Variants in NFKB1 observed in about 807,000 individuals in gnomAD.
NFKB1 encodes nuclear factor NF-kappa-B p105 subunit.
In NFKB1, 9 loss-of-function variants were observed where a neutral mutation model predicts 105.1. The ratio of observed to expected loss-of-function variants is 0.09; its 90% CI spans 0.05 to 0.15. NFKB1 has a LOEUF of 0.15. Ranked by LOEUF, NFKB1 falls within the 10% of genes least tolerant of loss-of-function variation. The pLI, the probability that NFKB1 is intolerant of heterozygous loss-of-function variation, is 1.00. For missense variants in NFKB1, 830 were observed against 1,203.7 expected, an observed-to-expected ratio of 0.69 and a Z score of 4.59; for synonymous variants, 440 against 442.2, an observed-to-expected ratio of 1.00 and a Z score of 0.06.
chr4:102,515,092 A>G (rs1383684076), intron 1 of NFKB1, among the ~76,000 whole-genome samples: 1 of 126,536 alleles, frequency 7.9e-6, no homozygotes, highest in Non-Finnish European at 1.6e-5. Flanking sequence ...TCCATGTAAT[A>G]TTATTATTAT....
chr4:102,561,569 G>A (rs1723448980), intron 5 of NFKB1, among the ~76,000 whole-genome samples: 1 of 152,164 alleles, frequency 6.6e-6, no homozygotes, highest in African/African-American at 2.4e-5. Flanking sequence ...AAATGATCAT[G>A]TCACATGGTA....
chr4:102,606,442 T>C, intron 16 of NFKB1, 54 bp from the exon 17 acceptor site: 1 of 1,540,172 alleles, frequency 6.5e-7, no homozygotes, highest in Non-Finnish European at 9.0e-7. Context: ...AGCTGTGAGT[T>C]GTAAGTAAGT....
intron 2 of NFKB1, among the ~76,000 whole-genome samples, chr4:102,527,834 A>T (rs961798665): frequency 2.0e-5 from 3 of 152,180 alleles, no homozygotes; most frequent in Non-Finnish European, 2.9e-5. Context: ...GTCTGTACAC[A>T]GGAAATCTTA....
intron 20 of NFKB1, among the ~76,000 whole-genome samples, chr4:102,611,756 C>T (rs1728436128): frequency 6.6e-6 from 1 of 152,204 alleles, no homozygotes; most frequent in Non-Finnish European, 1.5e-5. Context: ...CTGCCTGTTC[C>T]TTCCAAAAGG....
chr4:102,502,687 T>G (rs1560622773), intron 1 of NFKB1, among the ~76,000 whole-genome samples: 1 of 152,198 alleles, frequency 6.6e-6, no homozygotes, highest in Non-Finnish European at 1.5e-5. Flanking sequence ...TGGTTTATCC[T>G]GAAACTCAAA....
chr4:102,609,698 C>G (rs1005655518), intron 19 of NFKB1, among the ~76,000 whole-genome samples: 1 of 149,910 alleles, frequency 6.7e-6, no homozygotes, highest in Non-Finnish European at 1.5e-5. Context: ...ATCTTAATTT[C>G]TCCATGGATT....
At chr4:102,563,273 C>A (rs1419781650) in intron 5 of NFKB1, among the ~76,000 whole-genome samples, 1 of 152,042 alleles carries the variant, frequency 6.6e-6, no homozygotes, top group African/African-American at 2.4e-5. Flanking sequence ...ATCAAGAATG[C>A]CAAGAAGTCC....
At position 102,607,216 on chromosome 4, in the gene NFKB1, C is replaced by T; in HGVS notation, c.2021C>T (p.Ala674Val). 1 of 1,614,200 alleles carries T rather than the reference C, an allele frequency of 6.2e-7. No homozygotes were observed. Among genetic ancestry groups the T allele is most frequent in the Non-Finnish European group, 8.5e-7 (1 of 1,180,042 alleles). The change falls in exon 18 of 24, where the codon GCT becomes GTT. Residue 674 changes from alanine (A) to valine (V), a missense_variant. Ala to Val is a moderately conservative substitution (Grantham distance 64). This residue lies in a region of NFKB1 where 418 missense variants were observed against 575.3 expected (regional missense o/e 0.73). Coordinates refer to ENST00000226574, the MANE Select transcript of NFKB1 (RefSeq NM_003998.4). ...CCATGTTTGCTGCTGCTGGTGGCCG[C>T]TGGGGCTGACGTCAATGCTCAGGAG... ...SLPCLLLLVA[A>V]GADVNAQEQK...
chr4:102,517,508 C>G (rs914666029), intron 1 of NFKB1, among the ~76,000 whole-genome samples: 1 of 152,064 alleles, frequency 6.6e-6, no homozygotes, highest in African/African-American at 2.4e-5. Flanking sequence ...TTTGCCAATA[C>G]AAAAAAGCAA....
At chr4:102,528,628 A>G (rs905350143) in intron 2 of NFKB1, among the ~76,000 whole-genome samples, 4 of 152,198 alleles carry the variant, frequency 2.6e-5, no homozygotes, top group Non-Finnish European at 5.9e-5. Flanking sequence ...GCTGGTTTCC[A>G]TGCTGTCCAC....
intron 5 of NFKB1, among the ~76,000 whole-genome samples, chr4:102,551,367 T>TGTATGCACGC (rs370790173): frequency 1.3e-5 from 2 of 150,094 alleles, no homozygotes; most frequent in African/African-American, 4.9e-5. Context: ...TGTGTGTGTG[T>TGTATGCACGC]GCGCGCGCGC....
intron 20 of NFKB1, 116 bp downstream of exon 20, chr4:102,610,815 T>C: frequency 7.8e-7 from 1 of 1,283,108 alleles, no homozygotes. Context: ...CTTTTATTTT[T>C]AAGAAAGTCT....
At position 102,597,564 on chromosome 4, in the gene NFKB1, G is replaced by A. The variant is rs1408261872; in HGVS notation, c.1540G>A (p.Ala514Thr). 6.2e-7 allele frequency: 1 copy of A among 1,613,600 alleles called. No individual in the cohort carries two copies. The highest frequency in any genetic ancestry group is 1.3e-5 in the African/African-American group (1 of 74,926). The change falls in exon 15 of 24, where the codon GCC (alanine) becomes ACC (threonine). Residue 514 changes from alanine (A) to threonine (T), a missense_variant. Around this residue, in one of 8 missense-constraint regions of NFKB1, gnomAD observed 418 missense variants for 575.3 expected, o/e 0.73. Transcript: ENST00000226574. ...GGCTATGCAGCTTGCAAAGAGGCAT[G>A]CCAATGCCCTTTTCGACTACGCGGT... ...EKAMQLAKRH[A>T]NALFDYAVTG...
At chr4:102,543,780 A>T (rs1350417697) in intron 5 of NFKB1, among the ~76,000 whole-genome samples, 1 of 152,014 alleles carries the variant, frequency 6.6e-6, no homozygotes, top group African/African-American at 2.4e-5. Flanking sequence ...CGTGGTTTGG[A>T]TCTATTTGGA....
At chr4:102,556,874 G>A (rs1723025835) in intron 5 of NFKB1, among the ~76,000 whole-genome samples, 1 of 152,122 alleles carries the variant, frequency 6.6e-6, no homozygotes, top group Non-Finnish European at 1.5e-5. Context: ...CTTTACAGTT[G>A]TCATCATCAT....
At chr4:102,569,716 G>A (rs1724167463) in intron 6 of NFKB1, among the ~76,000 whole-genome samples, 2 of 152,064 alleles carry the variant, frequency 1.3e-5, no homozygotes, top group African/African-American at 2.4e-5. Flanking sequence ...TCTTTGGAGT[G>A]TTTATCTTCA....
chr4:102,561,324 A>G (rs1553932427), intron 5 of NFKB1, among the ~76,000 whole-genome samples: 1 of 148,796 alleles, frequency 6.7e-6, no homozygotes, highest in Non-Finnish European at 1.5e-5. Context: ...GCAACCTCAC[A>G]GAAAAGAATG....
chr4:102,535,794 A>G (rs1741597436), intron 4 of NFKB1, among the ~76,000 whole-genome samples: 1 of 152,158 alleles, frequency 6.6e-6, no homozygotes, highest in Non-Finnish European at 1.5e-5. Context: ...ACCACTCCCA[A>G]TAAGATATAA....
At chr4:102,580,685 C>T in intron 9 of NFKB1, 46 bp downstream of exon 9, 1 of 1,438,986 alleles carries the variant, frequency 6.9e-7, no homozygotes, top group South Asian at 1.2e-5. Context: ...GTGATCTTGA[C>T]ACACTACAGT....
Sources: allele counts gnomAD v4.1 joint callset (sites outside exome capture counted in the v4.1 genomes callset), GRCh38; gene constraint gnomAD v4.1.1; regional missense constraint gnomAD v4.1.1; transcripts MANE v1.5; gene names NCBI Gene and HGNC (gene_info 2026-07-23, HGNC 2026-07-21).